EDARADD: variants seen among roughly 807,000 people sequenced by gnomAD.
The protein encoded by EDARADD is EDAR associated via death domain.
Under a neutral mutation model 25.6 loss-of-function variants are expected in EDARADD, and 20 were observed. The observed-to-expected ratio is 0.78, with a 90% CI of 0.55 to 1.14. The LOEUF (loss-of-function observed/expected upper bound fraction) is 1.14, where lower values mean the gene tolerates loss of function less well. EDARADD is among the 50% of genes most tolerant of loss of function. The probability of loss-of-function intolerance (pLI) is 0.00; values close to 1 mark genes in which losing one functional copy is unlikely to be tolerated. For synonymous variants in EDARADD, 86 were observed against 94.4 expected (o/e 0.91, Z 0.52); for missense variants, 225 against 270.1 (o/e 0.83, Z 1.17).
Position 236,484,709 on chromosome 1 carries a change from A to T in EDARADD, c.*2060A>T. The T allele has an allele frequency of 1.4e-4, 5 of 35,346 alleles. No individual in the cohort carries two copies. The highest frequency in any genetic ancestry group is 2.4e-4 in the Admixed American group (1 of 4,164). 2.2% of individuals were successfully genotyped at this position (35,346 alleles called of 1,614,324 possible). On this transcript the variant is annotated 3_prime_UTR_variant, in exon 6 of 6. Coordinates refer to ENST00000334232, the MANE Select transcript of EDARADD (RefSeq NM_145861.4). This position sits in a 1 kb window ranked among gnomAD's most constrained non-coding sequence, Gnocchi z 4.1. ...GAGACAGAGTGAGAGTCCGTCCCAGAAAAAAAAAAAAAAAAAAAGAACTTC... is the reference window on the plus strand; with the variant it reads ...GAGACAGAGTGAGAGTCCGTCCCAGTAAAAAAAAAAAAAAAAAAGAACTTC...
At chr1:236,349,938 C>G (rs1401203269) in intron 2 of EDARADD, among the ~76,000 whole-genome samples, 5 of 152,160 alleles carry the variant, frequency 3.3e-5, no homozygotes, top group Non-Finnish European at 7.4e-5. Flanking sequence ...ATGGCGAAAC[C>G]ATGTCTCTAC....
intron 1 of EDARADD, among the ~76,000 whole-genome samples, chr1:236,399,771 G>A (rs943344391): frequency 2.0e-5 from 3 of 152,242 alleles, no homozygotes; most frequent in African/African-American, 4.8e-5. Flanking sequence ...TCCTTGCTTC[G>A]TTGCAGTAAG....
At chr1:236,474,861 G>C (rs1467114752) in intron 5 of EDARADD, among the ~76,000 whole-genome samples, 1 of 152,188 alleles carries the variant, frequency 6.6e-6, no homozygotes, top group African/African-American at 2.4e-5. Context: ...GGCTGGGTGT[G>C]ATAGCTCACG....
chr1:236,449,657 C>T (rs747848321), intron 4 of EDARADD, among the ~76,000 whole-genome samples: 10 of 152,152 alleles, frequency 6.6e-5, no homozygotes, highest in African/African-American at 1.4e-4. Context: ...ACTTCCCATC[C>T]GGGATATGGC....
chr1:236,396,947 G>C (rs912542164), intron 1 of EDARADD, among the ~76,000 whole-genome samples: 1 of 123,032 alleles, frequency 8.1e-6, no homozygotes, highest in Non-Finnish European at 1.6e-5. Context: ...AGTGGCCTCA[G>C]ATCTCATTAA....
chr1:236,463,898 C>T (rs1340834033), intron 4 of EDARADD, among the ~76,000 whole-genome samples: 1 of 152,226 alleles, frequency 6.6e-6, no homozygotes, highest in Non-Finnish European at 1.5e-5. Flanking sequence ...CTTGAATACA[C>T]TCCAGGCCCA....
Position 236,456,013 on chromosome 1 carries a change from T to A in EDARADD, c.220-12218T>A, listed in dbSNP as rs184445809. 4.6e-4 allele frequency among the ~76,000 whole-genome samples: 70 copies of A among 152,286 alleles called. 1 individual carries two copies. The highest frequency in any genetic ancestry group is 1.6e-3 in the African/African-American group (68 of 41,560). ...ACCATTTTAGCCAGGATGGTCTCGA[T>A]CTGCTGACCTTGTAATCCGCCCGCC... is the stretch of plus-strand genomic sequence containing the variant. On this transcript the variant is annotated intron_variant, in intron 4 of 5. Transcript: ENST00000334232.
intron 4 of EDARADD, among the ~76,000 whole-genome samples, chr1:236,457,241 C>T (rs542490961): frequency 2.6e-4 from 39 of 152,290 alleles, no homozygotes; most frequent in African/African-American, 8.7e-4. Context: ...GTTTACCGGG[C>T]ACGGGGGCTC....
In EDARADD at chr1:236,421,407, C is replaced by T. The variant is rs759077015; in HGVS notation, c.161-5985C>T. On this transcript the variant is annotated intron_variant, in intron 3 of 5. Coordinates refer to ENST00000334232, the MANE Select transcript of EDARADD (RefSeq NM_145861.4). ...TGTGCGTGGTCCCCTTGGTAAGGGG[C>T]GTTGTTTGGCTAGGGGACTTTGGCC... 2.0e-4 allele frequency among the ~76,000 whole-genome samples: 28 copies of T among 138,912 alleles called. 2 individuals carry two copies. Among genetic ancestry groups the T allele is most frequent in the African/African-American group, 6.0e-4 (23 of 38,148 alleles). The allele number at this position is 138,912 out of a possible 152,430, so 91.1% of individuals were successfully genotyped here. A position where few individuals can be genotyped will look rare whatever the true frequency, so the allele number is the denominator to read the frequency against.
chr1:236,363,735 G>C (rs1022261397), intron 3 of EDARADD, among the ~76,000 whole-genome samples: 2 of 152,062 alleles, frequency 1.3e-5, no homozygotes, highest in Admixed American at 1.3e-4. Context: ...CTTTAAAAAG[G>C]AGTAGATCCA....
chr1:236,456,103 TAA>T (rs144919107), intron 4 of EDARADD, among the ~76,000 whole-genome samples: 339 of 151,736 alleles, frequency 2.2e-3, no homozygotes, highest in African/African-American at 7.7e-3. Flanking sequence ...GTTCCTTTTT[TAA>T]GAGTCTCACT....
intron 4 of EDARADD, among the ~76,000 whole-genome samples, chr1:236,434,520 G>A (rs12067902): frequency 0.052 from 7,944 of 152,242 alleles, 612 homozygotes; most frequent in African/African-American, 0.16. Flanking sequence ...GATTATAGGC[G>A]TGAGCCACTG....
chr1:236,373,639 TTC>T (rs1667195403), intron 3 of EDARADD, among the ~76,000 whole-genome samples: 1 of 152,216 alleles, frequency 6.6e-6, no homozygotes, highest in Non-Finnish European at 1.5e-5. Flanking sequence ...TCTATTGATT[TTC>T]TGTTTCCAGT....
intron 4 of EDARADD, among the ~76,000 whole-genome samples, chr1:236,443,999 A>G (rs1174969059): frequency 6.6e-6 from 1 of 152,134 alleles, no homozygotes; most frequent in Non-Finnish European, 1.5e-5. Flanking sequence ...TTCAGCAACC[A>G]CCACCCTGAG....
At chr1:236,367,135 A>G (rs865861559) in intron 3 of EDARADD, among the ~76,000 whole-genome samples, 13 of 131,956 alleles carry the variant, frequency 9.9e-5, no homozygotes, top group Middle Eastern at 4.1e-3. Context: ...ATTTTCACAG[A>G]TCTTCCCTGT....
chr1:236,482,331 C>T lies in EDARADD; in HGVS notation c.330C>T (p.Pro110=). The T allele has an allele frequency of 6.2e-7, 1 of 1,614,096 alleles. No individual in the cohort carries two copies. The highest frequency in any genetic ancestry group is 8.5e-7 in the Non-Finnish European group (1 of 1,180,036). The change falls in exon 6 of 6, where the codon CCC becomes CCT. Residue 110 remains proline, a synonymous_variant. Transcript: ENST00000334232. The stretch of plus-strand genomic sequence containing the variant: ...GTTCCTCCTGCTTGCTCCGGGCCCC[C>T]ACCATAAGTGACTTGCTCAATGATC... ...CTCSSCLLRA[P]TISDLLNDQD...
At position 236,405,009 on chromosome 1, in the gene EDARADD, G is replaced by T. The variant is rs542082464; in HGVS notation, c.62-4207G>T. On this transcript the variant is annotated intron_variant, in intron 1 of 5. Coordinates refer to ENST00000334232, the MANE Select transcript of EDARADD (RefSeq NM_145861.4). ...CTCAGGATGCTGAGGCAGGAGAAAC[G>T]CTTGAACTCAGGAGGCGGAGATTGG... Among the ~76,000 whole-genome samples, 342 of 152,020 alleles carry T rather than the reference G, an allele frequency of 2.2e-3. 1 individual carries two copies. The highest frequency in any genetic ancestry group is 7.1e-3 in the Admixed American group (109 of 15,256).
intron 5 of EDARADD, among the ~76,000 whole-genome samples, chr1:236,478,673 A>G (rs961329569): frequency 3.9e-5 from 6 of 151,936 alleles, no homozygotes; most frequent in Non-Finnish European, 8.8e-5. Context: ...TGCAAGCTCC[A>G]CCTCCCGAGT....
chr1:236,404,857 C>G (rs919381695), intron 1 of EDARADD, among the ~76,000 whole-genome samples: 11 of 152,150 alleles, frequency 7.2e-5, no homozygotes, highest in African/African-American at 2.4e-4. Flanking sequence ...CTTTGGGAGG[C>G]TGAGGTGGGT....
Sources: gnomAD v4.1 joint callset for allele counts (sites outside exome capture counted in the v4.1 genomes callset) on GRCh38, gnomAD v4.1.1 for gene constraint, Gnocchi (gnomAD v3.1) non-coding constraint, MANE v1.5 for transcripts, NCBI Gene and HGNC (gene_info 2026-07-23, HGNC 2026-07-21) for gene names.